DLG1: variants seen among roughly 807,000 people sequenced by gnomAD.
DLG1 encodes disks large homolog 1.
Under a neutral mutation model 123.4 loss-of-function variants are expected in DLG1, and 42 were observed. The ratio of observed to expected loss-of-function variants is 0.34; its 90% CI spans 0.27 to 0.44. The LOEUF (loss-of-function observed/expected upper bound fraction) is 0.44, where lower values mean the gene tolerates loss of function less well. Among genes scored for constraint, DLG1 ranks in the 20% least tolerant of loss-of-function variants. The probability of loss-of-function intolerance (pLI) is 1.00; values close to 1 mark genes in which losing one functional copy is unlikely to be tolerated. For synonymous variants in DLG1, 317 were observed against 356.2 expected (o/e 0.89, Z 1.24); for missense variants, 942 against 1,082.6 (o/e 0.87, Z 1.82).
At chr3:197,248,165 C>T (rs1249397375) in intron 4 of DLG1, among the ~76,000 whole-genome samples, 1 of 152,200 alleles carries the variant, frequency 6.6e-6, no homozygotes, top group Non-Finnish European at 1.5e-5. Flanking sequence ...TGCGGCTTTT[C>T]TTACCTTGGT....
chr3:197,097,321 T>G (rs142876824), intron 14 of DLG1, among the ~76,000 whole-genome samples: 2 of 152,278 alleles, frequency 1.3e-5, no homozygotes, highest in East Asian at 3.9e-4. Flanking sequence ...ACCTACTGCA[T>G]TTTCTTGTGA....
intron 4 of DLG1, among the ~76,000 whole-genome samples, chr3:197,199,126 G>GA (rs1051047021): frequency 2.4e-4 from 37 of 152,208 alleles, no homozygotes; most frequent in African/African-American, 7.5e-4. Context: ...AAAATCTATT[G>GA]AAAAAATCTT....
At chr3:197,248,774 C>T (rs578209216) in intron 4 of DLG1, among the ~76,000 whole-genome samples, 14 of 152,228 alleles carry the variant, frequency 9.2e-5, no homozygotes, top group East Asian at 1.9e-4. Context: ...CAGCGTGGGT[C>T]GGCTACAAGC....
At chr3:197,066,851 G>C (rs560385119) in intron 19 of DLG1, 97 bp from the exon 20 acceptor site, 1 of 743,334 alleles carries the variant, frequency 1.3e-6, no homozygotes, top group African/African-American at 1.8e-5. Context: ...GAACTTTCCT[G>C]AGAAAATGGC....
At chr3:197,259,427 C>G (rs1219147458) in intron 4 of DLG1, among the ~76,000 whole-genome samples, 1 of 152,122 alleles carries the variant, frequency 6.6e-6, no homozygotes, top group East Asian at 1.9e-4. Flanking sequence ...ATTCATTATA[C>G]AGAAAGAGTA....
At chr3:197,291,127 C>T (rs1040469870) in intron 3 of DLG1, among the ~76,000 whole-genome samples, 1 of 152,032 alleles carries the variant, frequency 6.6e-6, no homozygotes, top group African/African-American at 2.4e-5. Flanking sequence ...CCAGATTCAA[C>T]ATAATCAAAA....
intron 24 of DLG1, 25 bp downstream of exon 24, chr3:197,051,552 A>G (rs1207389544): frequency 4.4e-6 from 7 of 1,590,110 alleles, no homozygotes; most frequent in Non-Finnish European, 6.0e-6. Flanking sequence ...TATCTTAAAG[A>G]GGACTGTTAC....
intron 14 of DLG1, among the ~76,000 whole-genome samples, chr3:197,091,277 T>G (rs182325085): frequency 9.2e-5 from 14 of 152,210 alleles, no homozygotes; most frequent in Admixed American, 7.2e-4. Flanking sequence ...ATACCACATT[T>G]AGTCAATTAA....
intron 4 of DLG1, among the ~76,000 whole-genome samples, chr3:197,230,178 A>G (rs1172201996): frequency 1.3e-5 from 2 of 152,242 alleles, no homozygotes; most frequent in Admixed American, 6.5e-5. Flanking sequence ...ATAACAAAAT[A>G]GAGGGAAAAA....
At chr3:197,121,846 C>CAAAAAAAAAAAAAAAAAAAAAAAAAA (rs1776584553) in intron 11 of DLG1, among the ~76,000 whole-genome samples, 2 of 98,214 alleles carry the variant, frequency 2.0e-5, no homozygotes, top group Admixed American at 1.0e-4. Flanking sequence ...AAAAAAAAAT[C>CAAAAAAAAAAAAAAAAAAAAAAAAAA]AAATGTTATC....
chr3:197,221,790 T>C (rs1737219420), intron 4 of DLG1, among the ~76,000 whole-genome samples: 1 of 152,198 alleles, frequency 6.6e-6, no homozygotes, highest in Non-Finnish European at 1.5e-5. Context: ...TTCCCTGCTT[T>C]TGTTTAATAT....
intron 5 of DLG1, among the ~76,000 whole-genome samples, chr3:197,194,071 C>T (rs1721113813): frequency 6.6e-6 from 1 of 152,102 alleles, no homozygotes; most frequent in African/African-American, 2.4e-5. Context: ...ATCCACCCAC[C>T]TCAGCCTTCC....
chr3:197,135,527 T>C (rs575988372), intron 10 of DLG1, among the ~76,000 whole-genome samples: 1 of 152,296 alleles, frequency 6.6e-6, no homozygotes, highest in South Asian at 2.1e-4. Flanking sequence ...CGCTTTCCTT[T>C]ATAAATTACC....
intron 4 of DLG1, among the ~76,000 whole-genome samples, chr3:197,221,747 T>C (rs1444709595): frequency 1.3e-5 from 2 of 152,194 alleles, no homozygotes; most frequent in African/African-American, 2.4e-5. Flanking sequence ...GGTCAGACAC[T>C]GTAGATTGCT....
At chr3:197,076,162 A>T (rs1371956193) in intron 18 of DLG1, among the ~76,000 whole-genome samples, 1 of 152,166 alleles carries the variant, frequency 6.6e-6, no homozygotes, top group Non-Finnish European at 1.5e-5. Context: ...TCTACATATA[A>T]TGAAGAAATA....
intron 14 of DLG1, among the ~76,000 whole-genome samples, chr3:197,101,889 G>A (rs943105906): frequency 5.9e-5 from 9 of 152,202 alleles, no homozygotes; most frequent in Admixed American, 1.3e-4. Flanking sequence ...GGGACTACGG[G>A]TGCGCACTAC....
At chr3:197,069,753 T>C (rs1742320080) in intron 18 of DLG1, 1 of 152,362 alleles carries the variant, frequency 6.6e-6, no homozygotes, top group Non-Finnish European at 1.5e-5. Flanking sequence ...TGAAAATCCA[T>C]GTTTCTGAGA....
chr3:197,054,378 G>C (rs978424832), intron 23 of DLG1, among the ~76,000 whole-genome samples: 1 of 152,120 alleles, frequency 6.6e-6, no homozygotes, highest in African/African-American at 2.4e-5. Flanking sequence ...TACGTTGACT[G>C]CTTGATGGTG....
chr3:197,137,743 G>A (rs1367252815), intron 9 of DLG1, among the ~76,000 whole-genome samples: 5 of 152,146 alleles, frequency 3.3e-5, no homozygotes, highest in African/African-American at 7.2e-5. Flanking sequence ...GCTGAGGTGG[G>A]AGAACTGCTT....
Sources: gnomAD v4.1 joint callset for allele counts (sites outside exome capture counted in the v4.1 genomes callset) on GRCh38, gnomAD v4.1.1 for gene constraint, MANE v1.5 for transcripts, NCBI Gene and HGNC (gene_info 2026-07-23, HGNC 2026-07-21) for gene names.